The following MAP3K5 variants were observed in gnomAD, a reference collection of about 807,000 sequenced individuals.
MAP3K5 encodes ASK-1.
In MAP3K5, 56 loss-of-function variants were observed where a neutral mutation model predicts 158.7. The ratio of observed to expected loss-of-function variants is 0.35; its 90% CI spans 0.28 to 0.44. The LOEUF (loss-of-function observed/expected upper bound fraction) is 0.44. MAP3K5 is among the 20% of genes least tolerant of loss of function. MAP3K5 has a pLI of 1.00. For synonymous variants in MAP3K5, 579 were observed against 601.7 expected (o/e 0.96, Z 0.55); for missense variants, 1,294 against 1,674.8 (o/e 0.77, Z 3.97).
intron 15 of MAP3K5, among the ~76,000 whole-genome samples, chr6:136,619,457 T>C (rs1776708540): frequency 6.6e-6 from 1 of 152,128 alleles, no homozygotes; most frequent in Admixed American, 6.5e-5. Context: ...GTTCGTAAGT[T>C]CACAGAAAAA....
At position 136,571,341 on chromosome 6, in the gene MAP3K5, T is replaced by G. The variant is rs896736840; in HGVS notation, c.3518-3467A>C. ...CTGAACTGTGGGAGTGAAAGGGATG[T>G]AGCACTCCTGCTCGCCAAGCTGTCA... is the stretch of plus-strand genomic sequence containing the variant. On this transcript the variant is annotated intron_variant, in intron 25 of 29. Coordinates refer to ENST00000359015, the MANE Select transcript of MAP3K5 (RefSeq NM_005923.4). Among the ~76,000 whole-genome samples, 5 of 152,164 alleles carry G rather than the reference T, an allele frequency of 3.3e-5. No individual in the cohort carries two copies. In the East Asian group the frequency reaches 9.6e-4, roughly 29 times the overall value.
At chr6:136,713,391 A>C (rs753073128) in intron 2 of MAP3K5, among the ~76,000 whole-genome samples, 5 of 152,194 alleles carry the variant, frequency 3.3e-5, no homozygotes, top group Admixed American at 1.3e-4. Context: ...GGAGAAAGCA[A>C]GGGCATATTT....
At chr6:136,625,354 T>C (rs182630897) in intron 14 of MAP3K5, among the ~76,000 whole-genome samples, 2 of 152,310 alleles carry the variant, frequency 1.3e-5, no homozygotes, top group Admixed American at 1.3e-4. Flanking sequence ...TGACCTCTCA[T>C]GTGGGGCTTG....
In MAP3K5 at chr6:136,580,384, T is replaced by C. The variant is rs749831326; in HGVS notation, c.3434A>G (p.His1145Arg). ...AAACATCCAGTGCGGCTTGATGTTA[T>C]GATTCCGAAGAACTTTATTGACCTG... is the stretch of plus-strand genomic sequence containing the variant. ...QDAVNKVLRN[H>R]NIKPHWMFAL... The change falls in exon 25 of 30, where the codon CAT (histidine) becomes CGT (arginine). Residue 1145 changes from histidine to arginine, a missense_variant. Coordinates refer to ENST00000359015, the MANE Select transcript of MAP3K5 (RefSeq NM_005923.4). The C allele has an allele frequency of 4.3e-6, 7 of 1,612,460 alleles. No homozygotes were observed. In the Admixed American group the frequency reaches 1.0e-4, roughly 23 times the overall value.
intron 8 of MAP3K5, among the ~76,000 whole-genome samples, chr6:136,661,209 T>C (rs1355520819): frequency 6.6e-6 from 1 of 152,206 alleles, no homozygotes; most frequent in Non-Finnish European, 1.5e-5. Context: ...TTTAAAATTT[T>C]TCATGTTACT....
At chr6:136,639,659 G>C in intron 12 of MAP3K5, 21 bp from the exon 13 acceptor site, 1 of 1,264,822 alleles carries the variant, frequency 7.9e-7, no homozygotes, top group East Asian at 2.4e-5. Context: ...CAAACAAAAA[G>C]GCATTATTCA....
At chr6:136,623,415 G>T (rs780935174) in intron 14 of MAP3K5, among the ~76,000 whole-genome samples, 1 of 152,086 alleles carries the variant, frequency 6.6e-6, no homozygotes, top group African/African-American at 2.4e-5. Context: ...TAAAACCACC[G>T]AAAGGCTTTG....
In MAP3K5 at chr6:136,774,341, C is replaced by A. The variant is rs551013797; in HGVS notation, c.448+17369G>T. 2.0e-5 allele frequency among the ~76,000 whole-genome samples: 3 copies of A among 152,284 alleles called. No homozygotes were observed. In the East Asian group the frequency reaches 5.8e-4, roughly 29 times the overall value. On this transcript the variant is annotated intron_variant, in intron 1 of 29. Coordinates refer to ENST00000359015, the MANE Select transcript of MAP3K5 (RefSeq NM_005923.4). Reference sequence around the variant, plus strand: ...TGGTGGCACACACCTGTGATCCCAGCTACTCAGAAGGCTGAAGTGGGAGGA... The same window carrying A: ...TGGTGGCACACACCTGTGATCCCAGATACTCAGAAGGCTGAAGTGGGAGGA...
At chr6:136,730,167 G>T (rs10081061) in intron 1 of MAP3K5, among the ~76,000 whole-genome samples, 2,732 of 71,748 alleles carry the variant, frequency 0.038, 33 homozygotes, top group Non-Finnish European at 0.059. Context: ...TTTTTTTTTT[G>T]TTTTTTGTTT....
chr6:136,765,123 A>G (rs894291330), intron 1 of MAP3K5, among the ~76,000 whole-genome samples: 3 of 152,232 alleles, frequency 2.0e-5, no homozygotes, highest in Non-Finnish European at 4.4e-5. Context: ...GAAACATAAT[A>G]AAAGCACATC....
At chr6:136,576,275 C>T (rs1202470812) in intron 25 of MAP3K5, among the ~76,000 whole-genome samples, 3 of 151,944 alleles carry the variant, frequency 2.0e-5, no homozygotes, top group Non-Finnish European at 4.4e-5. Context: ...TCCTTTTTGA[C>T]ACTTTCTTAT....
At chr6:136,698,720 C>G (rs183540253) in intron 3 of MAP3K5, 38 bp from the exon 4 acceptor site, 1 of 1,486,156 alleles carries the variant, frequency 6.7e-7, no homozygotes, top group East Asian at 2.3e-5. Flanking sequence ...GGGGAGCTGG[C>G]CTGGAGACAC....
At chr6:136,695,761 T>A (rs1780577296) in intron 6 of MAP3K5, among the ~76,000 whole-genome samples, 190 bp downstream of exon 6, 1 of 152,230 alleles carries the variant, frequency 6.6e-6, no homozygotes, top group African/African-American at 2.4e-5. Context: ...ACTTTTTTTT[T>A]ACTGAAAAAT....
intron 14 of MAP3K5, among the ~76,000 whole-genome samples, chr6:136,629,766 C>CATTT (rs56675510): frequency 0.091 from 13,434 of 147,364 alleles, 773 homozygotes; most frequent in African/African-American, 0.15. Flanking sequence ...ATCTCACCTT[C>CATTT]ATTTATTTAT....
At chr6:136,628,650 T>C (rs1242305298) in intron 14 of MAP3K5, among the ~76,000 whole-genome samples, 2 of 152,206 alleles carry the variant, frequency 1.3e-5, no homozygotes, top group Non-Finnish European at 2.9e-5. Flanking sequence ...AGATTACGTA[T>C]TAGATACAGA....
At chr6:136,649,888 G>GA (rs2114390413) in intron 11 of MAP3K5, among the ~76,000 whole-genome samples, 1 of 152,324 alleles carries the variant, frequency 6.6e-6, no homozygotes, top group East Asian at 1.9e-4. Flanking sequence ...ATAGCTTGGA[G>GA]AAGCCAAGTT....
At position 136,583,664 on chromosome 6, in the gene MAP3K5, G is replaced by A. The variant is rs1774987879; in HGVS notation, c.3302C>T (p.Thr1101Ile). 2.5e-6 allele frequency: 4 copies of A among 1,614,080 alleles called. No homozygotes were observed. The highest frequency in any genetic ancestry group is 1.3e-5 in the African/African-American group (1 of 74,926). Residue 1101 changes from threonine to isoleucine, a missense_variant, in exon 24 of 30, where the codon ACT (threonine) becomes ATT (isoleucine). Coordinates refer to ENST00000359015, the MANE Select transcript of MAP3K5 (RefSeq NM_005923.4). Reference sequence around the variant, plus strand: ...TGTGGTGGCTATGATTTTTCGGTCAGTGGATCTCACAAATTCTCTGAGGCT... The same window carrying A: ...TGTGGTGGCTATGATTTTTCGGTCAATGGATCTCACAAATTCTCTGAGGCT... The part of the protein sequence containing the change: ...IASLREFVRS[T>I]DRKIIATTLS...
intron 8 of MAP3K5, among the ~76,000 whole-genome samples, chr6:136,662,103 C>T (rs1297605034): frequency 6.6e-6 from 1 of 152,186 alleles, no homozygotes; most frequent in Non-Finnish European, 1.5e-5. Flanking sequence ...TGTATTTGCT[C>T]AATTATTTCT....
At chr6:136,754,578 C>T (rs1489140361) in intron 1 of MAP3K5, among the ~76,000 whole-genome samples, 1 of 131,678 alleles carries the variant, frequency 7.6e-6, no homozygotes, top group Non-Finnish European at 1.7e-5. Context: ...AGAGAGACCG[C>T]TCTCAAAAAA....
Sources: gnomAD v4.1 joint callset for allele counts (sites outside exome capture counted in the v4.1 genomes callset) on GRCh38, gnomAD v4.1.1 for gene constraint, MANE v1.5 for transcripts, NCBI Gene and HGNC (gene_info 2026-07-23, HGNC 2026-07-21) for gene names.